KLHL30: variants seen among roughly 807,000 people sequenced by gnomAD.
KLHL30 encodes the protein kelch-like protein 30.
In KLHL30, 55 loss-of-function variants were observed where a neutral mutation model predicts 55.0. The ratio of observed to expected loss-of-function variants is 1.00; its 90% CI spans 0.80 to 1.25. The LOEUF (loss-of-function observed/expected upper bound fraction) is 1.25, where lower values mean the gene tolerates loss of function less well. KLHL30 is among the 50% of genes most tolerant of loss of function. The pLI is 0.00. For synonymous variants in KLHL30, 356 were observed against 372.6 expected, an observed-to-expected ratio of 0.96 and a Z score of 0.51; for missense variants, 786 against 811.6, an observed-to-expected ratio of 0.97 and a Z score of 0.38.
chr2:238,144,432 A>AAGGCAGGAAGGAAGGCAGGCAGGCAGGC (rs1692608786), intron 3 of KLHL30, among the ~76,000 whole-genome samples: 2 of 82,454 alleles, frequency 2.4e-5, no homozygotes, highest in African/African-American at 9.2e-5. Context: ...GGAAGGAAGG[A>AAGGCAGGAAGGAAGGCAGGCAGGCAGGC]AGGCAGGCAG....
At chr2:238,140,389 C>T (rs1455303604) in intron 1 of KLHL30, among the ~76,000 whole-genome samples, 1 of 152,164 alleles carries the variant, frequency 6.6e-6, no homozygotes, top group Non-Finnish European at 1.5e-5. Context: ...TTGCAGATGA[C>T]ACCCAGGGCA....
At chr2:238,144,830 G>A in intron 3 of KLHL30, 72 bp from the exon 4 acceptor site, 1 of 1,127,694 alleles carries the variant, frequency 8.9e-7, no homozygotes, top group Non-Finnish European at 1.3e-6. Flanking sequence ...AAGGCACCTG[G>A]GAAGGGGGAG....
intron 1 of KLHL30, among the ~76,000 whole-genome samples, chr2:238,139,739 GC>G (rs1692498096): frequency 6.6e-6 from 1 of 152,226 alleles, no homozygotes; most frequent in Non-Finnish European, 1.5e-5. Context: ...GCCCGGGATG[GC>G]CCCGCGAGGC....
rs1692519790 is a variant in KLHL30, at chr2:238,140,881, G to C, written c.127G>C (p.Glu43Gln). 1 of 1,611,202 alleles carries C rather than the reference G, an allele frequency of 6.2e-7. No homozygotes were observed. Among genetic ancestry groups the C allele is most frequent in the Non-Finnish European group, 8.5e-7 (1 of 1,178,732 alleles). Residue 43 changes from glutamate (E) to glutamine (Q), a missense_variant, in exon 2 of 8, where the codon GAG becomes CAG. Physicochemically the swap from Glu to Gln is conservative, Grantham distance 29. Coordinates refer to ENST00000409223, the MANE Select transcript of KLHL30 (RefSeq NM_198582.4). ...CGTCACACTGCTGGTGGGCGGCCGGGAGCTGCCATGCCACCGCGGCCTCCT... is the reference window on the plus strand; with the variant it reads ...CGTCACACTGCTGGTGGGCGGCCGGCAGCTGCCATGCCACCGCGGCCTCCT... ...ADVTLLVGGR[E>Q]LPCHRGLLAL... is the part of the protein sequence containing the mutation.
rs771015639 is a variant in KLHL30 at position 238,141,448 on chromosome 2, G to A, written c.694G>A (p.Val232Met). 3.8e-5 allele frequency: 59 copies of A among 1,539,900 alleles called. No individual in the cohort carries two copies. The highest frequency in any genetic ancestry group is 1.6e-4 in the African/African-American group (12 of 73,452). The change falls in exon 2 of 8, where the codon GTG (valine) becomes ATG (methionine). Residue 232 changes from valine to methionine, a missense_variant. Physicochemically the swap from Val to Met is conservative, Grantham distance 21 (BLOSUM62 1). Coordinates refer to ENST00000409223, the MANE Select transcript of KLHL30 (RefSeq NM_198582.4). ...CCTGGACGCCGTGCCCAGGCCCTGCGTGCAGCAACTGCTGGCCTCAGAGCC... is the reference window on the plus strand; with the variant it reads ...CCTGGACGCCGTGCCCAGGCCCTGCATGCAGCAACTGCTGGCCTCAGAGCC... The part of the protein sequence containing the change: ...VHLDAVPRPC[V>M]QQLLASEPLI...
chr2:238,151,561 G>A lies in KLHL30; in HGVS notation c.*496G>A, dbSNP rs113450144. The A allele has an allele frequency of 2.7e-4, 45 of 164,324 alleles. No individual in the cohort carries two copies. The highest frequency in any genetic ancestry group is 6.4e-4 in the African/African-American group (27 of 41,894). The allele number at this position is 164,324 out of a possible 1,614,324, so 10.2% of individuals were successfully genotyped here. On this transcript the variant is annotated 3_prime_UTR_variant, in exon 8 of 8. Coordinates refer to ENST00000409223, the MANE Select transcript of KLHL30 (RefSeq NM_198582.4). Reference sequence around the variant, plus strand: ...CTGCTTCTGCCCAGCTCACGGCAGCGTAACTGTGGCCAGCCACCTCCCCTC... The same window carrying A: ...CTGCTTCTGCCCAGCTCACGGCAGCATAACTGTGGCCAGCCACCTCCCCTC...
intron 7 of KLHL30, among the ~76,000 whole-genome samples, chr2:238,150,221 T>C (rs1344157535): frequency 6.6e-6 from 1 of 152,060 alleles, no homozygotes; most frequent in African/African-American, 2.4e-5. Flanking sequence ...CCTTACCCTC[T>C]CCAGGCCTGG....
chr2:238,142,829 G>A lies in KLHL30; in HGVS notation c.805G>A (p.Glu269Lys), dbSNP rs1692565964. Residue 269 changes from glutamate to lysine, a missense_variant, in exon 3 of 8, where the codon GAG (glutamate) becomes AAG (lysine). Transcript: ENST00000409223. Reference protein sequence around the residue: ...APLALQQKLEEVLVVVGGQAL... With the variant: ...APLALQQKLEKVLVVVGGQAL... ...ACTCGCCCTCCAGCAGAAGCTGGAG[G>A]AGGTCCTGGTGGTGGTGGGCGGGCA... The A allele has an allele frequency of 2.1e-6, 3 of 1,438,120 alleles. No individual in the cohort carries two copies. Among genetic ancestry groups the A allele is most frequent in the Non-Finnish European group, 2.7e-6 (3 of 1,099,634 alleles). The allele number at this position is 1,438,120 out of a possible 1,614,324, so 89.1% of individuals were successfully genotyped here.
Position 238,145,782 on chromosome 2 carries a change from G to T in KLHL30, c.1100G>T (p.Arg367Leu), listed in dbSNP as rs530757027. 7 of 1,607,614 alleles carry T rather than the reference G, an allele frequency of 4.4e-6. No individual in the cohort carries two copies. The East Asian group carries it at 1.6e-4, about 36-fold the overall frequency. The change falls in exon 5 of 8, where the codon CGC becomes CTC. Residue 367 changes from arginine (R) to leucine (L), a missense_variant. Coordinates refer to ENST00000409223, the MANE Select transcript of KLHL30 (RefSeq NM_198582.4). ...CCCGTGGCGCCCATGCTGAAGCCCC[G>T]CACCAACCACGCCAGCGCGGCCCTC... is the stretch of plus-strand genomic sequence containing the variant. ...WKPVAPMLKPRTNHASAALNG... is the reference protein window; with the variant it reads ...WKPVAPMLKPLTNHASAALNG...
In KLHL30 at chr2:238,147,977, T is replaced by C; in HGVS notation, c.1294T>C (p.Cys432Arg). 6.4e-7 allele frequency: 1 copy of C among 1,556,044 alleles called. No individual in the cohort carries two copies. The highest frequency in any genetic ancestry group is 2.4e-5 in the East Asian group (1 of 41,136). Residue 432 changes from cysteine to arginine, a missense_variant, in exon 6 of 8, where the codon TGC becomes CGC. By Grantham distance (180) the Cys-to-Arg change is radical. Transcript: ENST00000409223. This position sits in a 1 kb window ranked among gnomAD's most constrained non-coding sequence, Gnocchi z 5.8. ...GRLYLVGSSA[C>R]KYNALALQCY... Reference sequence around the variant, plus strand: ...GCTCTACCTGGTGGGCTCCAGCGCCTGCAAGTACAACGCCCTGGCCCTGCA... The same window carrying C: ...GCTCTACCTGGTGGGCTCCAGCGCCCGCAAGTACAACGCCCTGGCCCTGCA...
intron 3 of KLHL30, among the ~76,000 whole-genome samples, chr2:238,143,990 A>T (rs145470893): frequency 2.2e-4 from 34 of 152,352 alleles, no homozygotes; most frequent in Non-Finnish European, 4.6e-4. Context: ...TCTCTTCCAC[A>T]AACATCCAAA....
intron 2 of KLHL30, 38 bp downstream of exon 2, chr2:238,141,566 AG>A (rs1170784299): frequency 7.0e-7 from 1 of 1,431,776 alleles, no homozygotes; most frequent in Admixed American, 2.9e-5. Context: ...CCTGGGAAGC[AG>A]GGAGGAGAGC....
chr2:238,144,428 A>AGGCAGGCAGGCAAGC (rs1559276019), intron 3 of KLHL30, among the ~76,000 whole-genome samples: 1 of 76,966 alleles, frequency 1.3e-5, no homozygotes, highest in African/African-American at 4.9e-5. Flanking sequence ...GGAAGGAAGG[A>AGGCAGGCAGGCAAGC]AGGAAGGCAG....
chr2:238,142,872 A>G lies in KLHL30; in HGVS notation c.848A>G (p.Glu283Gly). Residue 283 changes from glutamate to glycine, a missense_variant, in exon 3 of 8, where the codon GAG becomes GGG. Transcript: ENST00000409223. The stretch of plus-strand genomic sequence containing the variant: ...GGCGGGCAGGCGCTGGAGGAGGAGG[A>G]GGCAGGTGAGGAGCCCACCCCCGGC... ...VVGGQALEEE[E>G]AGEEPTPGLG... 3 of 1,479,418 alleles carry G rather than the reference A, an allele frequency of 2.0e-6. No homozygotes were observed. The highest frequency in any genetic ancestry group is 1.4e-5 in the South Asian group (1 of 69,304). The allele number at this position is 1,479,418 out of a possible 1,614,324, so 91.6% of individuals were successfully genotyped here.
Position 238,140,845 on chromosome 2 carries a change from A to C in KLHL30, c.91A>C (p.Lys31Gln). The C allele has an allele frequency of 1.2e-6, 2 of 1,610,448 alleles. No individual in the cohort carries two copies. Among genetic ancestry groups the C allele is most frequent in the Non-Finnish European group, 1.7e-6 (2 of 1,178,238 alleles). Residue 31 changes from lysine (K) to glutamine (Q), a missense_variant, in exon 2 of 8, where the codon AAG (lysine) becomes CAG (glutamine). By Grantham distance (53) the Lys-to-Gln change is moderately conservative (BLOSUM62 1). Coordinates refer to ENST00000409223, the MANE Select transcript of KLHL30 (RefSeq NM_198582.4). ...CCTGCAGCGCCTGCGCTCTCAGCCCAAGCTGGCCGACGTCACACTGCTGGT... is the reference window on the plus strand; with the variant it reads ...CCTGCAGCGCCTGCGCTCTCAGCCCCAGCTGGCCGACGTCACACTGCTGGT... The part of the protein sequence containing the change: ...DGLQRLRSQP[K>Q]LADVTLLVGG...
Position 238,147,308 on chromosome 2 carries a change from C to T in KLHL30, c.1151-526C>T, listed in dbSNP as rs1692665266. ...CCCCAACCAGAGAGCAGAAAGCACC[C>T]AGGGCTCCCGAGCCCAGGGCTTGTG... is the stretch of plus-strand genomic sequence containing the variant. On this transcript the variant is annotated intron_variant, in intron 5 of 7. Transcript: ENST00000409223. The surrounding 1 kb of genome is among the most constrained non-coding windows in gnomAD (Gnocchi z 5.8). Among the ~76,000 whole-genome samples the T allele has an allele frequency of 6.6e-6, 1 of 152,074 alleles. No individual in the cohort carries two copies. Among genetic ancestry groups the T allele is most frequent in the Admixed American group, 6.5e-5 (1 of 15,280 alleles).
rs1299562516 is a variant in KLHL30 at position 238,147,021 on chromosome 2, A to C, written c.1151-813A>C. Among the ~76,000 whole-genome samples, 3 of 151,060 alleles carry C rather than the reference A, an allele frequency of 2.0e-5. No individual in the cohort carries two copies. Among genetic ancestry groups the C allele is most frequent in the Admixed American group, 6.6e-5 (1 of 15,158 alleles). On this transcript the variant is annotated intron_variant, in intron 5 of 7. Transcript: ENST00000409223. The surrounding 1 kb of genome is among the most constrained non-coding windows in gnomAD (Gnocchi z 5.8). ...ACTCCATCTCAAAAAAAAAAAAAAA[A>C]AGGCAGGCATGGTGTCACGTGCCAG...
At chr2:238,144,839 A>G in intron 3 of KLHL30, 63 bp from the exon 4 acceptor site, 2 of 1,202,326 alleles carry the variant, frequency 1.7e-6, no homozygotes, top group Non-Finnish European at 2.4e-6. Flanking sequence ...GGGAAGGGGG[A>G]GTGGGGACCA....
intron 7 of KLHL30, 112 bp from the exon 8 acceptor site, chr2:238,150,702 G>A: frequency 7.9e-7 from 1 of 1,270,244 alleles, no homozygotes. Context: ...GAGGGGATCT[G>A]GGCCAGGTGG....
Sources: allele counts gnomAD v4.1 joint callset (sites outside exome capture counted in the v4.1 genomes callset), GRCh38; gene constraint gnomAD v4.1.1; non-coding constraint Gnocchi (gnomAD v3.1); transcripts MANE v1.5; gene names NCBI Gene and HGNC (gene_info 2026-07-23, HGNC 2026-07-21).